Variants in PBLD observed in about 807,000 individuals in gnomAD.
PBLD encodes phenazine biosynthesis like protein domain containing.
In PBLD, 26 loss-of-function variants were observed where a neutral mutation model predicts 31.3. That is an observed-to-expected ratio of 0.83 (90% CI 0.61 to 1.15). The LOEUF (loss-of-function observed/expected upper bound fraction) is 1.15, where lower values mean the gene tolerates loss of function less well. Ranked by LOEUF, PBLD falls within the 50% of genes most tolerant of loss-of-function variation. The pLI is 0.00. For missense variants in PBLD, 307 were observed against 351.7 expected (o/e 0.87, Z 1.02); for synonymous variants, 114 against 129.0 (o/e 0.88, Z 0.79).
rs1564737339 is a variant in PBLD, at chr10:68,319,047, A to AG, written c.-59-12145_-59-12144insC. Among the ~76,000 whole-genome samples, 22 of 111,346 alleles carry AG rather than the reference A, an allele frequency of 2.0e-4. 1 individual carries two copies. Among genetic ancestry groups the AG allele is most frequent in the South Asian group, 8.7e-4 (3 of 3,446 alleles). 73.0% of individuals were successfully genotyped at this position (111,346 alleles called of 152,430 possible). A position where few individuals can be genotyped will look rare whatever the true frequency, so the allele number is the denominator to read the frequency against. ...GGAGAGAGAAGGAAAGAAAGAAAGA[A>AG]AGAGAGAGAAAGAAAGAAAGAAAGA... is the stretch of plus-strand genomic sequence containing the variant. On this transcript the variant is annotated intron_variant, in intron 1 of 9. Coordinates refer to ENST00000358769, the MANE Select transcript of PBLD (RefSeq NM_022129.4).
chr10:68,332,811 C>T lies in PBLD; in HGVS notation c.-87G>A, dbSNP rs2045259319. 1 of 152,416 alleles carries T rather than the reference C, an allele frequency of 6.6e-6. No individual in the cohort carries two copies. Among genetic ancestry groups the T allele is most frequent in the South Asian group, 2.1e-4 (1 of 4,838 alleles). 9.4% of individuals were successfully genotyped at this position (152,416 alleles called of 1,614,324 possible). On this transcript the variant is annotated 5_prime_UTR_variant, in exon 1 of 10. Transcript: ENST00000358769. ...GGGCTGACGGGACTGCGAGTGACTTCTGACGCAGATTCCCAAGATGAGAGA... is the reference window on the plus strand; with the variant it reads ...GGGCTGACGGGACTGCGAGTGACTTTTGACGCAGATTCCCAAGATGAGAGA...
Position 68,288,640 on chromosome 10 carries a change from T to A in PBLD, c.534A>T (p.Lys178Asn). The A allele has an allele frequency of 6.2e-7, 1 of 1,614,018 alleles. No individual in the cohort carries two copies. The highest frequency in any genetic ancestry group is 8.5e-7 in the Non-Finnish European group (1 of 1,180,008). Residue 178 changes from lysine (K) to asparagine (N), a missense_variant, in exon 8 of 10, where the codon AAA becomes AAT. Lys to Asn is a moderately conservative substitution (Grantham distance 94). Transcript: ENST00000358769. ...VYNRSFLENL[K>N]VNTENLLQVE... is the part of the protein sequence containing the mutation. The stretch of plus-strand genomic sequence containing the variant: ...CTTGCAGCAGATTCTCCGTGTTCAC[T>A]TTCAGGTTCTCCAGAAACGACCTTG...
chr10:68,292,750 TA>T (rs2048722697), intron 4 of PBLD, among the ~76,000 whole-genome samples: 1 of 152,158 alleles, frequency 6.6e-6, no homozygotes, highest in African/African-American at 2.4e-5. Context: ...CCTCAAGTGA[TA>T]CACCCACCTC....
At chr10:68,311,475 A>T (rs1271152248) in intron 1 of PBLD, among the ~76,000 whole-genome samples, 2 of 152,046 alleles carry the variant, frequency 1.3e-5, no homozygotes, top group Non-Finnish European at 2.9e-5. Context: ...AGTCCCAGCT[A>T]CTTGGGAGGC....
chr10:68,286,082 A>ATTTTTT (rs1189723188), intron 8 of PBLD, among the ~76,000 whole-genome samples: 8 of 63,640 alleles, frequency 1.3e-4, no homozygotes, highest in African/African-American at 1.8e-4. Context: ...CCTTTGAATA[A>ATTTTTT]TTCTTTTTTT....
At chr10:68,323,775 A>G (rs1020632384) in intron 1 of PBLD, among the ~76,000 whole-genome samples, 5 of 152,216 alleles carry the variant, frequency 3.3e-5, no homozygotes, top group African/African-American at 1.2e-4. Flanking sequence ...GATAATTTGC[A>G]TTCCATTTGT....
intron 1 of PBLD, among the ~76,000 whole-genome samples, chr10:68,318,154 G>A (rs569425680): frequency 6.6e-6 from 1 of 151,866 alleles, no homozygotes; most frequent in South Asian, 2.1e-4. Flanking sequence ...GAGAACCTGG[G>A]AGGCGGAGTT....
At chr10:68,292,512 C>CTTTTTTTTTTTTTTTT (rs66894235) in intron 4 of PBLD, among the ~76,000 whole-genome samples, 2 of 147,168 alleles carry the variant, frequency 1.4e-5, no homozygotes, top group Non-Finnish European at 1.5e-5. Flanking sequence ...ACTTAGCCTC[C>CTTTTTTTTTTTTTTTT]TTTTTTTTTT....
chr10:68,314,386 T>C (rs1457297045), intron 1 of PBLD, among the ~76,000 whole-genome samples: 1 of 152,202 alleles, frequency 6.6e-6, no homozygotes, highest in Non-Finnish European at 1.5e-5. Flanking sequence ...GTCCACATAT[T>C]CTTTACGAAA....
chr10:68,291,463 C>T (rs143238653), intron 6 of PBLD, among the ~76,000 whole-genome samples: 2,387 of 152,286 alleles, frequency 0.016, 33 homozygotes, highest in Non-Finnish European at 0.02. Context: ...TCCCCCACCT[C>T]AGTCCCATCC....
chr10:68,311,861 G>C (rs1227764930), intron 1 of PBLD, among the ~76,000 whole-genome samples: 4 of 152,126 alleles, frequency 2.6e-5, no homozygotes, highest in African/African-American at 9.7e-5. Flanking sequence ...AATACTGGCT[G>C]TTTACCCCCA....
At chr10:68,296,405 A>G (rs1370863458) in intron 3 of PBLD, 41 bp from the exon 4 acceptor site, 2 of 1,433,598 alleles carry the variant, frequency 1.4e-6, no homozygotes, top group Non-Finnish European at 2.0e-6. Context: ...GATCATTCCC[A>G]TGCAAGCAGG....
At chr10:68,292,266 G>C in intron 4 of PBLD, 28 bp from the exon 5 acceptor site, 1 of 1,574,224 alleles carries the variant, frequency 6.4e-7, no homozygotes, top group Non-Finnish European at 8.7e-7. Context: ...CAAGAAATAG[G>C]AAATAAACTT....
intron 4 of PBLD, among the ~76,000 whole-genome samples, chr10:68,294,691 C>G (rs1033022145): frequency 6.6e-6 from 1 of 152,196 alleles, no homozygotes; most frequent in African/African-American, 2.4e-5. Flanking sequence ...TGCTACTACT[C>G]TGCAGTTCAA....
chr10:68,321,626 G>T (rs936924151), intron 1 of PBLD, among the ~76,000 whole-genome samples: 11 of 152,168 alleles, frequency 7.2e-5, no homozygotes, highest in African/African-American at 2.7e-4. Context: ...GGAGCTTCCT[G>T]GAGACATGAC....
chr10:68,306,714 C>T (rs1222994325), intron 2 of PBLD, 47 bp downstream of exon 2: 2 of 1,519,274 alleles, frequency 1.3e-6, no homozygotes. Flanking sequence ...ATTGTTTCTA[C>T]AGGAATCTAG....
intron 1 of PBLD, among the ~76,000 whole-genome samples, chr10:68,307,262 T>G (rs1564732654): frequency 6.6e-6 from 1 of 152,104 alleles, no homozygotes; most frequent in Non-Finnish European, 1.5e-5. Context: ...ACTCCTGACC[T>G]CAGGTGATCT....
chr10:68,320,420 A>T (rs980547648), intron 1 of PBLD, among the ~76,000 whole-genome samples: 2 of 152,200 alleles, frequency 1.3e-5, no homozygotes, highest in Non-Finnish European at 2.9e-5. Flanking sequence ...ATTCAACAAC[A>T]ATACAGTGAT....
Position 68,303,608 on chromosome 10 carries a change from A to T in PBLD, c.84+3153T>A, listed in dbSNP as rs562384336. On this transcript the variant is annotated intron_variant, in intron 2 of 9. Transcript: ENST00000358769. ...CAAAAAAATAAAAATTAAAAAATTT[A>T]AAAATGGACTTGTCTTGAAAACAAA... Among the ~76,000 whole-genome samples the T allele has an allele frequency of 1.1e-3, 116 of 109,438 alleles. 1 individual carries two copies. The highest frequency in any genetic ancestry group is 5.5e-3 in the Admixed American group (55 of 9,960). The allele number at this position is 109,438 out of a possible 152,430, so 71.8% of individuals were successfully genotyped here.
Sources: allele counts gnomAD v4.1 joint callset (sites outside exome capture counted in the v4.1 genomes callset), GRCh38; gene constraint gnomAD v4.1.1; transcripts MANE v1.5; gene names NCBI Gene and HGNC (gene_info 2026-07-23, HGNC 2026-07-21).